DLG4: variants seen among roughly 807,000 people sequenced by gnomAD.
The protein encoded by DLG4 is disks large homolog 4.
DLG4 carries 7 observed loss-of-function variants against 93.8 expected under a neutral mutation model. That is an observed-to-expected ratio of 0.07 (90% CI 0.04 to 0.14). DLG4 has a LOEUF of 0.14. Among genes scored for constraint, DLG4 ranks in the 10% least tolerant of loss-of-function variants. The pLI is 1.00. For synonymous variants in DLG4, 341 were observed against 387.6 expected (o/e 0.88, Z 1.41); for missense variants, 545 against 992.9 (o/e 0.55, Z 6.06).
intron 2 of DLG4, chr17:7,204,850 G>T: frequency 1.4e-6 from 1 of 734,690 alleles, no homozygotes; most frequent in Non-Finnish European, 1.7e-6. Context: ...CCCCTCCCTC[G>T]GTCTCACCAA....
At position 7,203,921 on chromosome 17, in the gene DLG4, G is replaced by A; in HGVS notation, c.210+87C>T. On this transcript the variant is annotated intron_variant, in intron 4 of 19. Coordinates refer to ENST00000399506, the MANE Select transcript of DLG4 (RefSeq NM_001321075.3). The surrounding 1 kb of genome is among the most constrained non-coding windows in gnomAD (Gnocchi z 7.2). ...AGCAGCCAGAGGAGGAAGGCACAGGGTGAGGGGCTAGCCACCCAGACCACA... is the reference window on the plus strand; with the variant it reads ...AGCAGCCAGAGGAGGAAGGCACAGGATGAGGGGCTAGCCACCCAGACCACA... 6.3e-7 allele frequency: 1 copy of A among 1,587,922 alleles called. No homozygotes were observed. Among genetic ancestry groups the A allele is most frequent in the Non-Finnish European group, 8.6e-7 (1 of 1,166,826 alleles).
rs2069603825 is a variant in DLG4 at position 7,193,420 on chromosome 17, A to T, written c.1693+63T>A. On this transcript the variant is annotated intron_variant, in intron 16 of 19. Coordinates refer to ENST00000399506, the MANE Select transcript of DLG4 (RefSeq NM_001321075.3). This position sits in a 1 kb window ranked among gnomAD's most constrained non-coding sequence, Gnocchi z 6.7. ...GGAGGCTCTGCCTATGGCCCCAGGGATGGGCCTCCCCTGCCCCACCCCCAC... is the reference window on the plus strand; with the variant it reads ...GGAGGCTCTGCCTATGGCCCCAGGGTTGGGCCTCCCCTGCCCCACCCCCAC... 1 of 1,437,360 alleles carries T rather than the reference A, an allele frequency of 7.0e-7. No individual in the cohort carries two copies. Among genetic ancestry groups the T allele is most frequent in the African/African-American group, 1.4e-5 (1 of 69,872 alleles). The allele number at this position is 1,437,360 out of a possible 1,614,324, so 89.0% of individuals were successfully genotyped here.
At chr17:7,218,320 G>A (rs2071028833), upstream of DLG4, 10 of 1,584,642 alleles carry the variant, frequency 6.3e-6, no homozygotes, top group Non-Finnish European at 8.6e-6. Context: ...CCCCACCCCA[G>A]GCCTCTCCAG....
At chr17:7,207,038 C>T (rs970518811) in intron 2 of DLG4, among the ~76,000 whole-genome samples, 2 of 151,756 alleles carry the variant, frequency 1.3e-5, no homozygotes, top group Admixed American at 6.6e-5. Flanking sequence ...CCAGGCCTCC[C>T]GGGACTGGAG....
chr17:7,210,450 C>G (rs942447741), intron 1 of DLG4, among the ~76,000 whole-genome samples: 12 of 152,154 alleles, frequency 7.9e-5, no homozygotes, highest in Non-Finnish European at 1.3e-4. Context: ...GATTTCAATC[C>G]GATGGGCACA....
rs915242327 is a variant in DLG4, at chr17:7,203,607, G to C, written c.336-14C>G. 1.2e-6 allele frequency: 2 copies of C among 1,609,028 alleles called. No individual in the cohort carries two copies. The highest frequency in any genetic ancestry group is 1.7e-6 in the Non-Finnish European group (2 of 1,175,874). On this transcript the variant is annotated splice_polypyrimidine_tract_variant and intron_variant, in intron 5 of 19. Transcript: ENST00000399506. This position sits in a 1 kb window ranked among gnomAD's most constrained non-coding sequence, Gnocchi z 7.2. ...CTGTCGTTGACCCTGGGAGCAGCAA[G>C]GTGGGCCTGAGCCAAGAGCTTCCTG...
upstream of DLG4, chr17:7,219,860 C>T (rs748217172): frequency 1.3e-6 from 2 of 1,539,010 alleles, no homozygotes; most frequent in South Asian, 2.4e-5. Flanking sequence ...CCCCGGGGCC[C>T]GCAACCGTCC....
At chr17:7,217,638 CAG>C, upstream of DLG4, 1 of 1,265,462 alleles carries the variant, frequency 7.9e-7, no homozygotes, top group South Asian at 1.3e-5. Context: ...AGAGAGGAAG[CAG>C]GGGGAGGGAG....
chr17:7,208,338 CG>C lies in DLG4; in HGVS notation c.31-100del. ...GCCTCTTCCCCCAGCCAGTGCAGTGCGGAAGGCCCTGGGGCCTGACCAGCTC... is the reference window on the plus strand; with the variant it reads ...GCCTCTTCCCCCAGCCAGTGCAGTGCGAAGGCCCTGGGGCCTGACCAGCTC... On this transcript the variant is annotated intron_variant, in intron 1 of 19. Coordinates refer to ENST00000399506, the MANE Select transcript of DLG4 (RefSeq NM_001321075.3). The surrounding 1 kb of genome is among the most constrained non-coding windows in gnomAD (Gnocchi z 5.4). 3 of 1,124,070 alleles carry C rather than the reference CG, an allele frequency of 2.7e-6. No homozygotes were observed. Among genetic ancestry groups the C allele is most frequent in the Non-Finnish European group, 3.5e-6 (3 of 861,612 alleles). 69.6% of individuals were successfully genotyped at this position (1,124,070 alleles called of 1,614,324 possible). A position where few individuals can be genotyped will look rare whatever the true frequency, so the allele number is the denominator to read the frequency against.
Position 7,193,688 on chromosome 17 carries a change from C to G in DLG4, c.1570G>C (p.Glu524Gln), listed in dbSNP as rs548705072. 6.4e-7 allele frequency: 1 copy of G among 1,560,688 alleles called. No individual in the cohort carries two copies. Residue 524 changes from glutamate to glutamine, a missense_variant, in exon 15 of 20, where the codon GAG becomes CAG. Physicochemically the swap from Glu to Gln is conservative, Grantham distance 29. Coordinates refer to ENST00000399506, the MANE Select transcript of DLG4 (RefSeq NM_001321075.3). This position sits in a 1 kb window ranked among gnomAD's most constrained non-coding sequence, Gnocchi z 6.7. ...TCACCTTCCATCTGCGTCACTGTCT[C>G]GTAGCTCAGAACCGAGTCTTCTCGA... ...QGREDSVLSYETVTQMEVHYA... is the reference protein window; with the variant it reads ...QGREDSVLSYQTVTQMEVHYA...
At chr17:7,219,354 G>T, upstream of DLG4, 1 of 985,950 alleles carries the variant, frequency 1.0e-6, no homozygotes, top group Non-Finnish European at 1.2e-6. Flanking sequence ...GTTCAGGAAG[G>T]TCTCAGAGGC....
Position 7,191,417 on chromosome 17 carries a change from C to T in DLG4, c.1977-59G>A. 1 of 1,295,794 alleles carries T rather than the reference C, an allele frequency of 7.7e-7. No homozygotes were observed. The highest frequency in any genetic ancestry group is 1.2e-5 in the South Asian group (1 of 83,912). The allele number at this position is 1,295,794 out of a possible 1,614,324, so 80.3% of individuals were successfully genotyped here. A position where few individuals can be genotyped will look rare whatever the true frequency, so the allele number is the denominator to read the frequency against. On this transcript the variant is annotated intron_variant, in intron 18 of 19. Transcript: ENST00000399506. The surrounding 1 kb of genome is among the most constrained non-coding windows in gnomAD (Gnocchi z 6.6). The stretch of plus-strand genomic sequence containing the variant: ...GGACCCACCTGACCCTGCCTTTTAT[C>T]TCCTCTATCCAGGAATGTTAAGTAT...
At position 7,203,399 on chromosome 17, in the gene DLG4, G is replaced by A. The variant is rs752648809; in HGVS notation, c.505+25C>T. The A allele has an allele frequency of 2.9e-5, 47 of 1,595,860 alleles. No individual in the cohort carries two copies. The highest frequency in any genetic ancestry group is 1.0e-4 in the Admixed American group (6 of 59,578). On this transcript the variant is annotated intron_variant, in intron 6 of 19. Transcript: ENST00000399506. The surrounding 1 kb of genome is among the most constrained non-coding windows in gnomAD (Gnocchi z 7.2). ...TGGGGGCACAGGACAGTTGGGATGG[G>A]GGTGGGAACAAAATGAGTTACTACC...
At chr17:7,216,181 C>T in intron 1 of DLG4, among the ~76,000 whole-genome samples, 1 of 152,002 alleles carries the variant, frequency 6.6e-6, no homozygotes, top group Non-Finnish European at 1.5e-5. Context: ...CAGGTGTCCT[C>T]CCCCACCTTG....
chr17:7,204,443 G>C, intron 2 of DLG4, 191 bp from the exon 3 acceptor site: 2 of 574,464 alleles, frequency 3.5e-6, no homozygotes, highest in Non-Finnish European at 6.1e-6. Context: ...ATGCGCACGC[G>C]CACACACACG....
Position 7,191,105 on chromosome 17 carries a change from G to A in DLG4, c.2068+162C>T, listed in dbSNP as rs2069471649. The stretch of plus-strand genomic sequence containing the variant: ...CTGCCTCGGCCTACCGAGTAGCTGG[G>A]ATTACAGGTGCCCGCCAGTGCTGGG... On this transcript the variant is annotated intron_variant, in intron 19 of 19. Transcript: ENST00000399506. The surrounding 1 kb of genome is among the most constrained non-coding windows in gnomAD (Gnocchi z 6.6). Among the ~76,000 whole-genome samples, 1 of 151,824 alleles carries A rather than the reference G, an allele frequency of 6.6e-6. No individual in the cohort carries two copies. The highest frequency in any genetic ancestry group is 2.1e-4 in the South Asian group (1 of 4,814).
intron 8 of DLG4, among the ~76,000 whole-genome samples, chr17:7,198,821 C>G (rs993750845): frequency 6.7e-6 from 1 of 148,236 alleles, no homozygotes; most frequent in Non-Finnish European, 1.5e-5. Context: ...GCACTCCAGC[C>G]TGGGTGACAG....
chr17:7,215,599 G>A (rs995283016), intron 1 of DLG4, among the ~76,000 whole-genome samples: 1 of 152,284 alleles, frequency 6.6e-6, no homozygotes, highest in Admixed American at 6.5e-5. Context: ...AGGGGATGTG[G>A]GGAAGAGGCA....
At chr17:7,207,800 ACGCGCACAGGCACG>A (rs1314520764) in intron 2 of DLG4, among the ~76,000 whole-genome samples, 1 of 150,362 alleles carries the variant, frequency 6.7e-6, no homozygotes, top group Admixed American at 6.6e-5. Flanking sequence ...CACACAGCAC[ACGCGCACAGGCACG>A]CGCGCACACA....
Sources: allele counts gnomAD v4.1 joint callset (sites outside exome capture counted in the v4.1 genomes callset), GRCh38; gene constraint gnomAD v4.1.1; non-coding constraint Gnocchi (gnomAD v3.1); transcripts MANE v1.5; gene names NCBI Gene and HGNC (gene_info 2026-07-23, HGNC 2026-07-21).